Variants in TEX15 observed in about 807,000 individuals in gnomAD.
TEX15 encodes testis expressed 15, meiosis and synapsis associated, also known as testis-expressed protein 15.
Under a neutral mutation model 237.3 loss-of-function variants are expected in TEX15, and 171 were observed. That is an observed-to-expected ratio of 0.72 (90% CI 0.64 to 0.82). The LOEUF (loss-of-function observed/expected upper bound fraction) is 0.82. Ranked by LOEUF, TEX15 falls within the 40% of genes least tolerant of loss-of-function variation. The pLI is 0.00. For missense variants in TEX15, 3,750 were observed against 3,646.5 expected, an observed-to-expected ratio of 1.03 and a Z score of -0.73; for synonymous variants, 1,338 against 1,269.8, an observed-to-expected ratio of 1.05 and a Z score of -1.14.
chr8:30,862,465 A>G (rs926079975), intron 5 of TEX15, among the ~76,000 whole-genome samples: 8 of 152,222 alleles, frequency 5.3e-5, no homozygotes, highest in African/African-American at 9.6e-5. Flanking sequence ...CTGCATGTCT[A>G]TATACATGAA....
chr8:30,882,877 T>A (rs933986656), intron 3 of TEX15, among the ~76,000 whole-genome samples: 1 of 152,154 alleles, frequency 6.6e-6, no homozygotes, highest in Non-Finnish European at 1.5e-5. Context: ...GCTCAAGTGA[T>A]CCTCCCACCT....
chr8:30,874,213 G>C (rs323378), intron 4 of TEX15, among the ~76,000 whole-genome samples: 1 of 151,962 alleles, frequency 6.6e-6, no homozygotes. Context: ...ATTCTAAAAT[G>C]AACAAGCCAA....
At chr8:30,876,701 C>T (rs1000355145) in intron 3 of TEX15, among the ~76,000 whole-genome samples, 4 of 152,186 alleles carry the variant, frequency 2.6e-5, no homozygotes, top group African/African-American at 9.7e-5. Context: ...CTTAGGAACA[C>T]TAGACCACAC....
intron 7 of TEX15, among the ~76,000 whole-genome samples, chr8:30,856,339 A>G (rs1807912028): frequency 6.6e-6 from 1 of 150,816 alleles, no homozygotes; most frequent in Non-Finnish European, 1.5e-5. Context: ...GGATCACTTG[A>G]GCTTAGGAGT....
At chr8:30,849,701 G>A (rs1807729946) in intron 7 of TEX15, among the ~76,000 whole-genome samples, 1 of 152,006 alleles carries the variant, frequency 6.6e-6, no homozygotes, top group Non-Finnish European at 1.5e-5. Context: ...AGGAGTTCGA[G>A]ACCAGCCTGG....
intron 1 of TEX15, among the ~76,000 whole-genome samples, chr8:30,909,369 T>C (rs552159562): frequency 6.6e-6 from 1 of 150,926 alleles, no homozygotes; most frequent in East Asian, 1.9e-4. Flanking sequence ...TGTGCCAAAG[T>C]CTCAGCTGCT....
Position 30,847,245 on chromosome 8 carries a change from A to G in TEX15, c.2922T>C (p.Ser974=), listed in dbSNP as rs145159092. ...CATTTGAGGCTACACACACTGAAGA[A>G]CTTGCAGTTTTGGGAAATGTCGTGG... ...LASTTFPKTA[S]SSVCVASNAA... The change falls in exon 8 of 11, where the codon AGT becomes AGC. Residue 974 remains serine, a synonymous_variant. Transcript: ENST00000643185. 4.8e-5 allele frequency: 78 copies of G among 1,613,964 alleles called. No individual in the cohort carries two copies. In the African/African-American group the frequency reaches 9.2e-4, roughly 19 times the overall value.
chr8:30,907,852 T>A (rs1809141193), intron 1 of TEX15, among the ~76,000 whole-genome samples: 1 of 148,874 alleles, frequency 6.7e-6, no homozygotes, highest in Non-Finnish European at 1.5e-5. Context: ...ATGGGAAGAC[T>A]GCTTGAGCCC....
intron 8 of TEX15, among the ~76,000 whole-genome samples, chr8:30,840,478 G>T (rs552933066): frequency 1.3e-5 from 2 of 152,150 alleles, no homozygotes; most frequent in Non-Finnish European, 2.9e-5. Context: ...TTACAGGCAA[G>T]AGCCACCACA....
At chr8:30,861,045 C>T (rs542920663) in intron 5 of TEX15, among the ~76,000 whole-genome samples, 8 of 150,380 alleles carry the variant, frequency 5.3e-5, no homozygotes, top group Admixed American at 1.3e-4. Context: ...AGAGAAAAGA[C>T]CAAAATGAAC....
In TEX15 at chr8:30,842,842, A is replaced by G; in HGVS notation, c.7325T>C (p.Ile2442Thr). Residue 2442 changes from isoleucine (I) to threonine (T), a missense_variant, in exon 8 of 11, where the codon ATT (isoleucine) becomes ACT (threonine). By Grantham distance (89) the Ile-to-Thr change is moderately conservative (BLOSUM62 -1). Transcript: ENST00000643185. ...CATGACGATTTCAATATACATTTCAATAGCTTCAGGCTTTAAAATGATAGC... is the reference window on the plus strand; with the variant it reads ...CATGACGATTTCAATATACATTTCAGTAGCTTCAGGCTTTAAAATGATAGC... ...HEAIILKPEA[I>T]EMYIEIVMVS... 6.2e-7 allele frequency: 1 copy of G among 1,612,800 alleles called. No individual in the cohort carries two copies. The highest frequency in any genetic ancestry group is 8.5e-7 in the Non-Finnish European group (1 of 1,179,222).
chr8:30,865,382 C>T (rs1236175705), intron 5 of TEX15, among the ~76,000 whole-genome samples: 1 of 152,042 alleles, frequency 6.6e-6, no homozygotes, highest in Non-Finnish European at 1.5e-5. Flanking sequence ...TTCTAACCAA[C>T]ATTAAAGAAT....
rs1476914662 is a variant in TEX15, at chr8:30,843,004, T to C, written c.7163A>G (p.Gln2388Arg). ...QAEFADLKKL[Q>R]DLTLRCTDHL... ...ATCTGTACATCTCAAGGTGAGATCCTGTAATTTTTTAAGGTCTGCAAATTC... is the reference window on the plus strand; with the variant it reads ...ATCTGTACATCTCAAGGTGAGATCCCGTAATTTTTTAAGGTCTGCAAATTC... Residue 2388 changes from glutamine to arginine, a missense_variant, in exon 8 of 11, where the codon CAG (glutamine) becomes CGG (arginine). Transcript: ENST00000643185. 2 of 1,613,418 alleles carry C rather than the reference T, an allele frequency of 1.2e-6. No homozygotes were observed. Among genetic ancestry groups the C allele is most frequent in the East Asian group, 2.2e-5 (1 of 44,844 alleles).
intron 1 of TEX15, among the ~76,000 whole-genome samples, chr8:30,903,494 C>T (rs1363858223): frequency 6.6e-6 from 1 of 152,166 alleles, no homozygotes; most frequent in Non-Finnish European, 1.5e-5. Context: ...TGAGAAACAG[C>T]TCAACTTTTC....
In TEX15 at chr8:30,875,120, G is replaced by A. The variant is rs879016647; in HGVS notation, c.137-18C>T. ...CAAGTAAACTAAAGGTAGAAAAAGA[G>A]AAAGCAGTTGTATTTAAAATGACAT... On this transcript the variant is annotated intron_variant, in intron 3 of 10. Coordinates refer to ENST00000643185, the MANE Select transcript of TEX15 (RefSeq NM_001350162.2). 12 of 1,230,592 alleles carry A rather than the reference G, an allele frequency of 9.8e-6. No homozygotes were observed. Among genetic ancestry groups the A allele is most frequent in the South Asian group, 8.0e-5 (2 of 24,846 alleles). The allele number at this position is 1,230,592 out of a possible 1,614,324, so 76.2% of individuals were successfully genotyped here.
chr8:30,909,502 T>C (rs1429297259), intron 1 of TEX15, among the ~76,000 whole-genome samples: 2 of 149,168 alleles, frequency 1.3e-5, no homozygotes, highest in African/African-American at 2.5e-5. Flanking sequence ...TCCAAGGATA[T>C]AGGATTGCTA....
intron 3 of TEX15, among the ~76,000 whole-genome samples, chr8:30,884,403 G>T (rs893353586): frequency 8.5e-5 from 13 of 152,172 alleles, no homozygotes; most frequent in Non-Finnish European, 1.6e-4. Flanking sequence ...AGATTGTAAA[G>T]AATTGGTGTA....
At position 30,846,462 on chromosome 8, in the gene TEX15, A is replaced by T. The variant is rs150224960; in HGVS notation, c.3705T>A (p.Ser1235=). ...IRQESGPVSN[S]EISLSFDLSR... ...TCAAGTCAAAAGAAAGGGAGATTTC[A>T]GAGTTACTCACTGGCCCTGATTCTT... The change falls in exon 8 of 11, where the codon TCT becomes TCA. Residue 1235 remains serine (S), a synonymous_variant. Transcript: ENST00000643185. 13 of 1,613,382 alleles carry T rather than the reference A, an allele frequency of 8.1e-6. No homozygotes were observed. In the African/African-American group the frequency reaches 1.3e-4, roughly 17 times the overall value.
intron 9 of TEX15, among the ~76,000 whole-genome samples, chr8:30,838,677 C>T (rs1807365889): frequency 7.0e-6 from 1 of 142,328 alleles, no homozygotes; most frequent in Non-Finnish European, 1.5e-5. Context: ...TAATATAGGT[C>T]CCTGAGGTAA....
Sources: gnomAD v4.1 joint callset for allele counts (sites outside exome capture counted in the v4.1 genomes callset) on GRCh38, gnomAD v4.1.1 for gene constraint, MANE v1.5 for transcripts, NCBI Gene and HGNC (gene_info 2026-07-23, HGNC 2026-07-21) for gene names.